CDH23: variants seen among roughly 807,000 people sequenced by gnomAD.
CDH23 encodes the protein cadherin related 23.
In CDH23, 189 loss-of-function variants were observed where a neutral mutation model predicts 317.1. The observed-to-expected ratio is 0.60, with a 90% CI of 0.53 to 0.67. CDH23 has a LOEUF of 0.67. Ranked by LOEUF, CDH23 falls within the 30% of genes least tolerant of loss-of-function variation. The probability of loss-of-function intolerance (pLI) is 0.00; values close to 1 mark genes in which losing one functional copy is unlikely to be tolerated. For missense variants in CDH23, 4,401 were observed against 4,592.4 expected (o/e 0.96, Z 1.20); for synonymous variants, 1,839 against 1,876.8 (o/e 0.98, Z 0.52).
intron 6 of CDH23, among the ~76,000 whole-genome samples, chr10:71,561,697 G>A (rs546571137): frequency 9.9e-5 from 15 of 152,228 alleles, no homozygotes; most frequent in African/African-American, 2.2e-4. Context: ...GTTACTTGGC[G>A]AGAGAGACAA....
At chr10:71,646,332 G>A in intron 13 of CDH23, 127 bp from the exon 14 acceptor site, 1 of 1,421,228 alleles carries the variant, frequency 7.0e-7, no homozygotes, top group Non-Finnish European at 9.6e-7. Flanking sequence ...ACAGAGCTGG[G>A]ATGGGCAGAG....
chr10:71,404,627 G>A (rs773900899), intron 1 of CDH23, among the ~76,000 whole-genome samples: 2 of 152,238 alleles, frequency 1.3e-5, no homozygotes, highest in Non-Finnish European at 2.9e-5. Context: ...GTCAAGGGCA[G>A]AGCCCTGCTC....
chr10:71,445,379 C>G (rs540875251), intron 2 of CDH23, among the ~76,000 whole-genome samples: 4 of 152,182 alleles, frequency 2.6e-5, no homozygotes, highest in African/African-American at 9.7e-5. Context: ...CACACCAAAT[C>G]GTCTTGTGGG....
At chr10:71,698,804 G>A (rs1045568715) in intron 22 of CDH23, among the ~76,000 whole-genome samples, 6 of 152,172 alleles carry the variant, frequency 3.9e-5, no homozygotes, top group African/African-American at 1.4e-4. Context: ...TATTTGTTTT[G>A]TAGGCTATTT....
At position 71,805,995 on chromosome 10, in the gene CDH23, A is replaced by G. The variant is rs754761193; in HGVS notation, c.8062A>G (p.Ser2688Gly). Residue 2688 changes from serine to glycine, a missense_variant and splice_region_variant, in exon 56 of 70, where the codon AGC (serine) becomes GGC (glycine). Physicochemically the swap from Ser to Gly is moderately conservative, Grantham distance 56 (BLOSUM62 0). Transcript: ENST00000224721. ...GGACCGCGAGTCGCAGGCGGTGTAC[A>G]GCGTAAGGGCGGGGCCCGGTGCGAG... is the stretch of plus-strand genomic sequence containing the variant. ...RLDRESQAVY[S>G]LILVASDLGQ... is the part of the protein sequence containing the mutation. 1.7e-4 allele frequency: 259 copies of G among 1,498,732 alleles called. 1 individual carries two copies. Among genetic ancestry groups the G allele is most frequent in the Non-Finnish European group, 2.2e-4 (245 of 1,107,118 alleles). 92.8% of individuals were successfully genotyped at this position (1,498,732 alleles called of 1,614,324 possible).
chr10:71,787,762 C>T (rs1841144121), intron 44 of CDH23, among the ~76,000 whole-genome samples: 1 of 152,200 alleles, frequency 6.6e-6, no homozygotes, highest in Admixed American at 6.5e-5. Flanking sequence ...GGTCTATATA[C>T]CACATTTTCT....
chr10:71,599,095 A>G (rs1589250006), intron 9 of CDH23, among the ~76,000 whole-genome samples: 1 of 151,942 alleles, frequency 6.6e-6, no homozygotes, highest in South Asian at 2.1e-4. Flanking sequence ...GGCAAATGTG[A>G]AATATTAAAT....
chr10:71,657,095 C>T (rs556531900), intron 14 of CDH23, among the ~76,000 whole-genome samples: 14 of 152,186 alleles, frequency 9.2e-5, no homozygotes, highest in Admixed American at 4.6e-4. Context: ...CTTCTCCTTC[C>T]CAGGCCAGCA....
At chr10:71,402,913 G>A (rs568861189) in intron 1 of CDH23, among the ~76,000 whole-genome samples, 4 of 152,074 alleles carry the variant, frequency 2.6e-5, no homozygotes, top group Non-Finnish European at 5.9e-5. Flanking sequence ...TCAGCAGATC[G>A]AGACCATCCT....
chr10:71,410,295 G>GCTGCC (rs1564563343), intron 1 of CDH23, among the ~76,000 whole-genome samples: 1 of 152,164 alleles, frequency 6.6e-6, no homozygotes, highest in African/African-American at 2.4e-5. Context: ...AGTCTTGCAG[G>GCTGCC]CTGCCTGGGG....
intron 34 of CDH23, chr10:71,737,953 C>T: frequency 2.6e-6 from 1 of 389,988 alleles, no homozygotes; most frequent in South Asian, 1.8e-5. Flanking sequence ...CCTTGCAGCC[C>T]CCTCCTGCTC....
intron 45 of CDH23, among the ~76,000 whole-genome samples, 191 bp from the exon 46 acceptor site, chr10:71,790,097 C>T (rs1218691515): frequency 6.6e-6 from 1 of 152,312 alleles, no homozygotes; most frequent in Non-Finnish European, 1.5e-5. Flanking sequence ...GCTTTGAGGC[C>T]GCTCCCCAGG....
chr10:71,474,632 C>T (rs975058612), intron 3 of CDH23, among the ~76,000 whole-genome samples: 21 of 152,210 alleles, frequency 1.4e-4, no homozygotes, highest in Non-Finnish European at 2.1e-4. Flanking sequence ...ATTAGGGGCA[C>T]GGGGTGGGTG....
At chr10:71,679,720 A>G (rs1459008526) in intron 17 of CDH23, among the ~76,000 whole-genome samples, 10 of 152,208 alleles carry the variant, frequency 6.6e-5, no homozygotes, top group Admixed American at 6.5e-4. Context: ...TCTGGTTCTT[A>G]GGCCATGGCC....
intron 1 of CDH23, among the ~76,000 whole-genome samples, chr10:71,414,044 GTT>G (rs1554822116): frequency 8.7e-6 from 1 of 115,182 alleles, no homozygotes; most frequent in African/African-American, 3.8e-5. Flanking sequence ...TAGCTCCTGG[GTT>G]TTGTGTGTGT....
At position 71,779,356 on chromosome 10, in the gene CDH23, G is replaced by C. The variant is rs767867791; in HGVS notation, c.5277G>C (p.Pro1759=). ...CATTTGAAGTCACTGAGGGCCAGCC[G>C]GGGCCCAGAGTGTGGACCTTCCTGG... ...EGPFEVTEGQ[P]GPRVWTFLAH... Residue 1759 remains proline (P), a synonymous_variant, in exon 41 of 70, where the codon CCG becomes CCC. Coordinates refer to ENST00000224721, the MANE Select transcript of CDH23 (RefSeq NM_022124.6). 1 of 1,613,914 alleles carries C rather than the reference G, an allele frequency of 6.2e-7. No individual in the cohort carries two copies. Among genetic ancestry groups the C allele is most frequent in the Non-Finnish European group, 8.5e-7 (1 of 1,179,822 alleles).
chr10:71,803,836 A>C (rs1375056171), intron 55 of CDH23, among the ~76,000 whole-genome samples: 11 of 137,020 alleles, frequency 8.0e-5, no homozygotes, highest in Non-Finnish European at 6.3e-5. Flanking sequence ...AAAAAAAAAA[A>C]AGGCTGGGCA....
chr10:71,487,419 A>G (rs553234554), intron 3 of CDH23, among the ~76,000 whole-genome samples: 84 of 152,162 alleles, frequency 5.5e-4, no homozygotes, highest in Non-Finnish European at 9.9e-4. Flanking sequence ...CTGTACATGC[A>G]CATACATACT....
intron 29 of CDH23, among the ~76,000 whole-genome samples, chr10:71,724,810 T>C (rs1866734890): frequency 6.6e-6 from 1 of 152,136 alleles, no homozygotes; most frequent in Non-Finnish European, 1.5e-5. Context: ...TCCTCCCACT[T>C]CTCGAATCAG....
Sources: gnomAD v4.1 joint callset for allele counts (sites outside exome capture counted in the v4.1 genomes callset) on GRCh38, gnomAD v4.1.1 for gene constraint, MANE v1.5 for transcripts, NCBI Gene and HGNC (gene_info 2026-07-23, HGNC 2026-07-21) for gene names.